Variants in MLKL observed in about 807,000 individuals in gnomAD.
MLKL encodes mixed lineage kinase domain like pseudokinase.
In MLKL, 55 loss-of-function variants were observed where a neutral mutation model predicts 56.5. The observed-to-expected ratio is 0.97, with a 90% CI of 0.78 to 1.22. The LOEUF (loss-of-function observed/expected upper bound fraction) is 1.22, where lower values mean the gene tolerates loss of function less well. Among genes scored for constraint, MLKL ranks in the 50% most tolerant of loss-of-function variants. The probability of loss-of-function intolerance (pLI) is 0.00; values close to 1 mark genes in which losing one functional copy is unlikely to be tolerated. For synonymous variants in MLKL, 251 were observed against 208.3 expected, an observed-to-expected ratio of 1.20 and a Z score of -1.76; for missense variants, 694 against 573.9, an observed-to-expected ratio of 1.21 and a Z score of -2.14.
chr16:74,672,674 C>T (rs1371750546), intron 10 of MLKL, 136 bp from the exon 11 acceptor site: 10 of 740,294 alleles, frequency 1.4e-5, no homozygotes, highest in Non-Finnish European at 1.6e-5. Flanking sequence ...GAACCACCAT[C>T]AGCACTCACA....
chr16:74,682,591 G>A, intron 6 of MLKL, 60 bp downstream of exon 6: 1 of 1,593,742 alleles, frequency 6.3e-7, no homozygotes. Flanking sequence ...ATCTCTGGGA[G>A]TATCAGGAGT....
chr16:74,684,656 G>A (rs1482926424), intron 5 of MLKL, among the ~76,000 whole-genome samples: 2 of 148,992 alleles, frequency 1.3e-5, no homozygotes, highest in East Asian at 2.1e-4. Flanking sequence ...CACCACATCC[G>A]GCTAATTTTT....
chr16:74,673,613 A>C (rs532750105), intron 10 of MLKL, among the ~76,000 whole-genome samples: 120 of 152,192 alleles, frequency 7.9e-4, no homozygotes, highest in African/African-American at 2.7e-3. Flanking sequence ...CAGTGTAAGG[A>C]AGCTATGGAG....
In MLKL at chr16:74,685,546, TG is replaced by T; in HGVS notation, c.759del (p.Met254Ter). ...ATGTTGGGAGATTCGAATTTCTTCA[TG>T]GTTTTGATCTCCTTATTGAAAGTCT... The part of the protein sequence containing the change: ...VRQTFNKEIK[T>X]MKKFESPNIL... On this transcript the variant is annotated frameshift_variant, in exon 5 of 11. Coordinates refer to ENST00000308807, the MANE Select transcript of MLKL (RefSeq NM_152649.4). LOFTEE classifies it high-confidence loss of function. The T allele has an allele frequency of 6.2e-7, 1 of 1,614,102 alleles. No homozygotes were observed.
intron 2 of MLKL, among the ~76,000 whole-genome samples, chr16:74,694,444 C>T (rs971247244): frequency 9.3e-4 from 142 of 152,180 alleles, no homozygotes; most frequent in Non-Finnish European, 4.1e-4. Flanking sequence ...CTCGCTCTGT[C>T]GCCCAGGCTG....
At chr16:74,695,853 T>C in intron 1 of MLKL, 94 bp from the exon 2 acceptor site, 1 of 1,140,264 alleles carries the variant, frequency 8.8e-7, no homozygotes. Context: ...GTGACTTAAA[T>C]GCCTGAGGAG....
chr16:74,674,292 ACAGGCATGCGC>A (rs1959442824), intron 10 of MLKL, among the ~76,000 whole-genome samples: 1 of 151,534 alleles, frequency 6.6e-6, no homozygotes, highest in Admixed American at 6.6e-5. Context: ...AGCTGGGACT[ACAGGCATGCGC>A]CAATATACTT....
chr16:74,680,908 C>T (rs935916663), intron 6 of MLKL, among the ~76,000 whole-genome samples: 3 of 152,128 alleles, frequency 2.0e-5, no homozygotes, highest in Admixed American at 6.6e-5. Flanking sequence ...CCTCATCCAG[C>T]CAGAATTTAA....
At chr16:74,689,122 CT>C (rs532434236) in intron 4 of MLKL, among the ~76,000 whole-genome samples, 199 of 134,812 alleles carry the variant, frequency 1.5e-3, no homozygotes, top group Non-Finnish European at 1.6e-3. Context: ...TTTTTTTTTT[CT>C]TTTTTTTTTT....
intron 5 of MLKL, among the ~76,000 whole-genome samples, chr16:74,683,356 G>A (rs1015674909): frequency 6.6e-6 from 1 of 151,758 alleles, no homozygotes; most frequent in Non-Finnish European, 1.5e-5. Context: ...GGCTCTTTGG[G>A]AGGCTGAGGC....
intron 2 of MLKL, among the ~76,000 whole-genome samples, chr16:74,693,465 A>AAAG (rs1960805118): frequency 1.0e-5 from 1 of 96,456 alleles, no homozygotes; most frequent in Non-Finnish European, 2.1e-5. Context: ...AAAAAAAAAA[A>AAAG]AAAGAAAAGA....
chr16:74,692,504 A>G (rs1960735768), intron 2 of MLKL, 88 bp from the exon 3 acceptor site: 1 of 1,065,886 alleles, frequency 9.4e-7, no homozygotes, highest in Non-Finnish European at 1.4e-6. Context: ...AACTGTTGAG[A>G]TATCATTTTT....
chr16:74,673,147 T>C (rs916837637), intron 10 of MLKL, among the ~76,000 whole-genome samples: 1 of 152,202 alleles, frequency 6.6e-6, no homozygotes, highest in Non-Finnish European at 1.5e-5. Flanking sequence ...TCAAGACTTC[T>C]GTAAGCAGAC....
chr16:74,689,089 C>CTCCT (rs1177259373), intron 4 of MLKL, among the ~76,000 whole-genome samples: 7 of 148,460 alleles, frequency 4.7e-5, no homozygotes, highest in East Asian at 2.0e-4. Context: ...TATAGGGTTT[C>CTCCT]TCCTTCCTTC....
intron 6 of MLKL, among the ~76,000 whole-genome samples, chr16:74,681,667 A>C (rs12932878): frequency 2.0e-5 from 3 of 151,416 alleles, no homozygotes; most frequent in Admixed American, 6.6e-5. Context: ...AGTGGCAGGC[A>C]CCTGTAGTCC....
At chr16:74,692,893 C>G (rs145577288) in intron 2 of MLKL, among the ~76,000 whole-genome samples, 1 of 152,176 alleles carries the variant, frequency 6.6e-6, no homozygotes, top group Non-Finnish European at 1.5e-5. Flanking sequence ...GATTTATATA[C>G]TCAGAAACAT....
intron 2 of MLKL, 109 bp downstream of exon 2, chr16:74,695,189 A>G: frequency 8.4e-7 from 1 of 1,190,586 alleles, no homozygotes; most frequent in Non-Finnish European, 1.2e-6. Context: ...TTGAGGTACA[A>G]GTATATTACA....
intron 5 of MLKL, among the ~76,000 whole-genome samples, chr16:74,684,572 G>A (rs1960212732): frequency 6.6e-6 from 1 of 151,166 alleles, no homozygotes; most frequent in Admixed American, 6.6e-5. Flanking sequence ...TCGGCTCACT[G>A]CAAACTCCGC....
At chr16:74,697,134 T>G (rs890456151) in intron 1 of MLKL, among the ~76,000 whole-genome samples, 1 of 151,668 alleles carries the variant, frequency 6.6e-6, no homozygotes, top group Non-Finnish European at 1.5e-5. Flanking sequence ...GAGGATTCCT[T>G]GAGTCCAGGA....
Sources: allele counts gnomAD v4.1 joint callset (sites outside exome capture counted in the v4.1 genomes callset), GRCh38; gene constraint gnomAD v4.1.1; transcripts MANE v1.5; gene names NCBI Gene and HGNC (gene_info 2026-07-23, HGNC 2026-07-21).